Variants in CAPZB observed in about 807,000 individuals in gnomAD.
CAPZB encodes capping actin protein of muscle Z-line subunit beta, also known as F-actin-capping protein subunit beta.
In CAPZB, 2 loss-of-function variants were observed where a neutral mutation model predicts 38.1. The ratio of observed to expected loss-of-function variants is 0.05; its 90% confidence interval spans 0.02 to 0.17. The LOEUF (loss-of-function observed/expected upper bound fraction) is 0.17. Ranked by LOEUF, CAPZB falls within the 10% of genes least tolerant of loss-of-function variation. The probability of loss-of-function intolerance (pLI) is 1.00; values close to 1 mark genes in which losing one functional copy is unlikely to be tolerated. For synonymous variants in CAPZB, 107 were observed against 127.4 expected, an observed-to-expected ratio of 0.84 and a Z score of 1.08; for missense variants, 161 against 334.2, an observed-to-expected ratio of 0.48 and a Z score of 4.04.
In CAPZB at chr1:19,345,213, T is replaced by C. The variant is rs2093954033; in HGVS notation, c.628A>G (p.Ile210Val). ...DETVSDCSPHIANIGRLVEDM... is the reference protein window; with the variant it reads ...DETVSDCSPHVANIGRLVEDM... ...TCTACCAGGCGCCCGATGTTGGCTA[T>C]GTGTGGGGAGCAGTCACTCACAGTT... Residue 210 changes from isoleucine to valine, a missense_variant, in exon 7 of 9, where the codon ATA becomes GTA. Ile to Val is a conservative substitution (Grantham distance 29, BLOSUM62 3). Coordinates refer to ENST00000264202, the MANE Select transcript of CAPZB (RefSeq NM_004930.5). 6.2e-7 allele frequency: 1 copy of C among 1,614,104 alleles called. No homozygotes were observed.
chr1:19,414,968 G>A (rs1036197631), intron 2 of CAPZB, among the ~76,000 whole-genome samples: 2 of 152,254 alleles, frequency 1.3e-5, no homozygotes, highest in African/African-American at 4.8e-5. Context: ...TCCCAAGGCA[G>A]CAAAAACTCT....
rs182610030 is a variant in CAPZB at position 19,428,022 on chromosome 1, C to T, written c.4-8272G>A. On this transcript the variant is annotated intron_variant, in intron 1 of 8. Coordinates refer to ENST00000264202, the MANE Select transcript of CAPZB (RefSeq NM_004930.5). Reference sequence around the variant, plus strand: ...TGGCAGGGCAACATGAAGGAAGAGGCTGGCTCTGTGGATGACCCACCAGCC... The same window carrying T: ...TGGCAGGGCAACATGAAGGAAGAGGTTGGCTCTGTGGATGACCCACCAGCC... Among the ~76,000 whole-genome samples, 172 of 152,336 alleles carry T rather than the reference C, an allele frequency of 1.1e-3. 1 individual carries two copies. The highest frequency in any genetic ancestry group is 2.9e-5 in the Non-Finnish European group (2 of 68,034).
At chr1:19,431,864 C>T (rs2094442854) in intron 1 of CAPZB, among the ~76,000 whole-genome samples, 2 of 151,182 alleles carry the variant, frequency 1.3e-5, no homozygotes, top group African/African-American at 4.9e-5. Context: ...ATCACTTGAC[C>T]CCAGTAGTTC....
intron 1 of CAPZB, among the ~76,000 whole-genome samples, chr1:19,467,664 CTGAG>C (rs1362827624): frequency 1.3e-5 from 2 of 152,168 alleles, no homozygotes; most frequent in Non-Finnish European, 2.9e-5. Context: ...ATTTTCTTGC[CTGAG>C]TGATTCAGGT....
chr1:19,426,142 C>G (rs1224329307), intron 1 of CAPZB, among the ~76,000 whole-genome samples: 2 of 152,216 alleles, frequency 1.3e-5, no homozygotes, highest in Non-Finnish European at 2.9e-5. Context: ...AGATCACACC[C>G]AAACTACTCA....
At chr1:19,372,853 G>C (rs1373596725) in intron 4 of CAPZB, among the ~76,000 whole-genome samples, 3 of 152,102 alleles carry the variant, frequency 2.0e-5, no homozygotes, top group Non-Finnish European at 4.4e-5. Flanking sequence ...AAACCATCTT[G>C]GGGCTTGGTA....
chr1:19,419,989 T>G (rs2094395145), intron 1 of CAPZB: 7 of 489,658 alleles, frequency 1.4e-5, no homozygotes, highest in Non-Finnish European at 2.2e-5. Flanking sequence ...CTGAAAGAAG[T>G]GGAAGCAGGC....
intron 2 of CAPZB, among the ~76,000 whole-genome samples, chr1:19,399,037 T>C: frequency 6.6e-6 from 1 of 151,994 alleles, no homozygotes. Context: ...TTTTATTTTT[T>C]AGTAGAGACA....
chr1:19,484,730 G>C, intron 1 of CAPZB: 7 of 1,049,250 alleles, frequency 6.7e-6, no homozygotes, highest in South Asian at 2.9e-5. Context: ...GGCGGGGACC[G>C]AGCGGGGCTG....
chr1:19,347,994 A>G (rs1005153406), intron 6 of CAPZB, among the ~76,000 whole-genome samples: 13 of 152,208 alleles, frequency 8.5e-5, no homozygotes, highest in African/African-American at 2.9e-4. Flanking sequence ...CTGACTTGCA[A>G]ACAGTTCCTA....
intron 1 of CAPZB, among the ~76,000 whole-genome samples, chr1:19,423,489 G>C (rs1254406481): frequency 6.8e-6 from 1 of 146,148 alleles, no homozygotes; most frequent in Admixed American, 6.8e-5. Context: ...TTTATATAAA[G>C]CTCAATAACA....
At chr1:19,366,484 T>C (rs1157365335) in intron 4 of CAPZB, among the ~76,000 whole-genome samples, 38 of 150,224 alleles carry the variant, frequency 2.5e-4, no homozygotes, top group Admixed American at 2.5e-3. Flanking sequence ...AGGTCAGGAG[T>C]TCGAAACCAG....
chr1:19,413,905 G>A (rs149947951), intron 2 of CAPZB, among the ~76,000 whole-genome samples: 98 of 152,268 alleles, frequency 6.4e-4, no homozygotes, highest in South Asian at 1.9e-3. Flanking sequence ...CTGGAAAAAT[G>A]ATTTCCAGAT....
intron 6 of CAPZB, among the ~76,000 whole-genome samples, chr1:19,345,766 C>T (rs543130943): frequency 1.6e-4 from 24 of 152,370 alleles, no homozygotes; most frequent in African/African-American, 5.0e-4. Context: ...CAACCTCTGA[C>T]GGAGACTTCA....
intron 1 of CAPZB, among the ~76,000 whole-genome samples, chr1:19,455,079 G>C (rs1329810996): frequency 2.0e-5 from 3 of 152,244 alleles, no homozygotes; most frequent in Non-Finnish European, 4.4e-5. Flanking sequence ...GAACCCTGCA[G>C]GCAGCCTGGC....
chr1:19,438,740 C>T (rs1378610658), intron 1 of CAPZB, among the ~76,000 whole-genome samples: 1 of 152,216 alleles, frequency 6.6e-6, no homozygotes, highest in Admixed American at 6.5e-5. Context: ...ACATGAGGTA[C>T]TCACATCAGG....
chr1:19,348,811 A>G (rs1422314501), intron 6 of CAPZB, among the ~76,000 whole-genome samples: 1 of 151,570 alleles, frequency 6.6e-6, no homozygotes, highest in Non-Finnish European at 1.5e-5. Context: ...GCTGCCTCCC[A>G]AGTCATAACA....
chr1:19,447,468 C>T (rs1437191753), intron 1 of CAPZB, among the ~76,000 whole-genome samples: 5 of 149,832 alleles, frequency 3.3e-5, no homozygotes, highest in East Asian at 2.0e-4. Context: ...CTCCTGACCT[C>T]GGGTGATCTG....
rs74966384 is a variant in CAPZB, at chr1:19,404,731, A to G, written c.93+14930T>C. ...AGGCTGCTTTTGACAAGGGGCACGC[A>G]CCCTCCTCCTTAAAAGGACAGCTCA... is the stretch of plus-strand genomic sequence containing the variant. On this transcript the variant is annotated intron_variant, in intron 2 of 8. Coordinates refer to ENST00000264202, the MANE Select transcript of CAPZB (RefSeq NM_004930.5). 1.0e-2 allele frequency among the ~76,000 whole-genome samples: 1,517 copies of G among 152,078 alleles called. 65 individuals are homozygous for G. In the East Asian group the frequency reaches 0.13, roughly 13 times the overall value.
Sources: allele counts gnomAD v4.1 joint callset (sites outside exome capture counted in the v4.1 genomes callset), GRCh38; gene constraint gnomAD v4.1.1; transcripts MANE v1.5; gene names NCBI Gene and HGNC (gene_info 2026-07-23, HGNC 2026-07-21).